The following CDK19 variants were observed in gnomAD, a reference collection of about 807,000 sequenced individuals.
The protein encoded by CDK19 is cyclin dependent kinase 19, also known as cyclin-dependent kinase 19.
CDK19 carries 20 observed loss-of-function variants against 68.3 expected under a neutral mutation model. That is an observed-to-expected ratio of 0.29 (90% CI 0.21 to 0.43). The LOEUF (loss-of-function observed/expected upper bound fraction) is 0.43, where lower values mean the gene tolerates loss of function less well. Among genes scored for constraint, CDK19 ranks in the 20% least tolerant of loss-of-function variants. The pLI is 1.00. For synonymous variants in CDK19, 221 were observed against 222.8 expected (o/e 0.99, Z 0.07); for missense variants, 339 against 623.5 (o/e 0.54, Z 4.86).
At position 110,613,515 on chromosome 6, in the gene CDK19, A is replaced by C. The variant is rs1778132424; in HGVS notation, c.*1020T>G. ...TAATTTTCAGGCTTCTACTTGAGTA[A>C]CCTTGATTATGCAAGAAAGTTACTC... On this transcript the variant is annotated 3_prime_UTR_variant, in exon 13 of 13. Coordinates refer to ENST00000368911, the MANE Select transcript of CDK19 (RefSeq NM_015076.5). The C allele has an allele frequency of 6.6e-6, 1 of 152,610 alleles. No individual in the cohort carries two copies. The highest frequency in any genetic ancestry group is 2.4e-5 in the African/African-American group (1 of 41,470). The allele number at this position is 152,610 out of a possible 1,614,324, so 9.5% of individuals were successfully genotyped here.
At chr6:110,631,276 A>ACT (rs1186762974) in intron 6 of CDK19, among the ~76,000 whole-genome samples, 5 of 151,878 alleles carry the variant, frequency 3.3e-5, no homozygotes, top group Non-Finnish European at 7.4e-5. Context: ...GCTACAATGT[A>ACT]CTCTCCCCTA....
intron 4 of CDK19, among the ~76,000 whole-genome samples, chr6:110,651,236 T>TCTAC (rs1283756704): frequency 2.9e-5 from 4 of 139,940 alleles, no homozygotes; most frequent in African/African-American, 1.3e-4. Flanking sequence ...AGATCTACTA[T>TCTAC]CTATCTATCT....
At chr6:110,740,320 T>C (rs1434292310) in intron 2 of CDK19, among the ~76,000 whole-genome samples, 1 of 152,216 alleles carries the variant, frequency 6.6e-6, no homozygotes, top group Non-Finnish European at 1.5e-5. Context: ...ATAGACTTCA[T>C]ATTAGAACTT....
At chr6:110,718,591 A>G (rs1424459556) in intron 2 of CDK19, among the ~76,000 whole-genome samples, 7 of 151,766 alleles carry the variant, frequency 4.6e-5, no homozygotes, top group African/African-American at 1.7e-4. Flanking sequence ...CTGACATCAT[A>G]TCAGCAATAA....
intron 1 of CDK19, among the ~76,000 whole-genome samples, chr6:110,807,147 A>T (rs1234944515): frequency 4.8e-5 from 7 of 145,548 alleles, no homozygotes; most frequent in Non-Finnish European, 7.6e-5. Flanking sequence ...AAATAATTTA[A>T]AAAAAAAAAA....
At chr6:110,758,921 T>C (rs1034606523) in intron 1 of CDK19, among the ~76,000 whole-genome samples, 2 of 151,924 alleles carry the variant, frequency 1.3e-5, no homozygotes, top group South Asian at 4.1e-4. Context: ...TAAGTCTTCA[T>C]GAAATCATCT....
chr6:110,806,797 G>A (rs1391773992), intron 1 of CDK19, among the ~76,000 whole-genome samples: 3 of 151,924 alleles, frequency 2.0e-5, no homozygotes, highest in African/African-American at 7.3e-5. Context: ...GGCCAACATG[G>A]TGAACACTGT....
intron 4 of CDK19, among the ~76,000 whole-genome samples, chr6:110,659,652 A>C (rs553594633): frequency 6.6e-5 from 10 of 152,344 alleles, no homozygotes; most frequent in African/African-American, 2.2e-4. Flanking sequence ...AAAGTGATAA[A>C]TTCTGGACCT....
At chr6:110,785,106 G>A (rs1451600828) in intron 1 of CDK19, among the ~76,000 whole-genome samples, 3 of 142,388 alleles carry the variant, frequency 2.1e-5, no homozygotes, top group Non-Finnish European at 3.0e-5. Context: ...CCCCTGGCTA[G>A]AGGGCCCTAA....
chr6:110,701,401 A>T (rs1773994148), intron 2 of CDK19, among the ~76,000 whole-genome samples: 1 of 150,814 alleles, frequency 6.6e-6, no homozygotes, highest in Non-Finnish European at 1.5e-5. Context: ...AAAAAAAAAA[A>T]ATTAGCCGAG....
intron 2 of CDK19, among the ~76,000 whole-genome samples, chr6:110,731,937 G>A (rs1389669160): frequency 6.6e-6 from 1 of 152,074 alleles, no homozygotes; most frequent in African/African-American, 2.4e-5. Flanking sequence ...CAATAATAAT[G>A]CCTTGAAAGG....
At chr6:110,707,278 G>C (rs1002170805) in intron 2 of CDK19, among the ~76,000 whole-genome samples, 1 of 152,148 alleles carries the variant, frequency 6.6e-6, no homozygotes, top group African/African-American at 2.4e-5. Flanking sequence ...AGAGGCTACA[G>C]TGAGCCAAGA....
intron 1 of CDK19, 113 bp from the exon 2 acceptor site, chr6:110,746,314 C>A: frequency 1.7e-6 from 1 of 585,690 alleles, no homozygotes; most frequent in Non-Finnish European, 3.0e-6. Context: ...TAAACATTCT[C>A]ATTATACCAT....
chr6:110,658,259 G>T (rs1438495467), intron 4 of CDK19, among the ~76,000 whole-genome samples: 3 of 152,120 alleles, frequency 2.0e-5, no homozygotes, highest in Admixed American at 2.0e-4. Flanking sequence ...AGGAACCAGA[G>T]GTCACTGGCA....
chr6:110,815,269 C>CTCTCGCGCGCGCGCG lies in CDK19; in HGVS notation c.-134_-133insCGCGCGCGCGCGAGA. ...CGCGCGCGCGCGCGCCGCCCGCCGC[C>CTCTCGCGCGCGCGCG]CGCCGCTCCGCGGTCCGCCTTCAGC... On this transcript the variant is annotated 5_prime_UTR_variant, in exon 1 of 13. Transcript: ENST00000368911. 9.5e-7 allele frequency: 1 copy of CTCTCGCGCGCGCGCG among 1,055,638 alleles called. No homozygotes were observed. The highest frequency in any genetic ancestry group is 1.2e-6 in the Non-Finnish European group (1 of 804,696). The allele number at this position is 1,055,638 out of a possible 1,614,324, so 65.4% of individuals were successfully genotyped here. A position where few individuals can be genotyped will look rare whatever the true frequency, so the allele number is the denominator to read the frequency against.
At chr6:110,709,664 A>C (rs1450539281) in intron 2 of CDK19, among the ~76,000 whole-genome samples, 1 of 152,180 alleles carries the variant, frequency 6.6e-6, no homozygotes, top group African/African-American at 2.4e-5. Flanking sequence ...GAAAGGAAAA[A>C]TGTATTTTCC....
At position 110,794,141 on chromosome 6, in the gene CDK19, G is replaced by A. The variant is rs549983673; in HGVS notation, c.128+20868C>T. ...GCTCACTGCAACCTCTGCCTCCCAGGTTCAAGCAATTCTCCTGTCTCAGCC... is the reference window on the plus strand; with the variant it reads ...GCTCACTGCAACCTCTGCCTCCCAGATTCAAGCAATTCTCCTGTCTCAGCC... On this transcript the variant is annotated intron_variant, in intron 1 of 12. Coordinates refer to ENST00000368911, the MANE Select transcript of CDK19 (RefSeq NM_015076.5). Among the ~76,000 whole-genome samples the A allele has an allele frequency of 3.3e-3, 498 of 151,994 alleles. 2 individuals are homozygous for A. Among genetic ancestry groups the A allele is most frequent in the African/African-American group, 0.011 (462 of 41,462 alleles).
At chr6:110,644,032 A>G (rs919820276) in intron 4 of CDK19, among the ~76,000 whole-genome samples, 2 of 152,082 alleles carry the variant, frequency 1.3e-5, no homozygotes, top group African/African-American at 4.8e-5. Context: ...AGTGGCTCAT[A>G]CCTGTAATCC....
intron 1 of CDK19, among the ~76,000 whole-genome samples, chr6:110,755,283 C>T (rs550097611): frequency 8.6e-5 from 13 of 151,910 alleles, no homozygotes; most frequent in Non-Finnish European, 1.9e-4. Flanking sequence ...TCAGGTGACC[C>T]GCTTGCCTCA....
Sources: allele counts gnomAD v4.1 joint callset (sites outside exome capture counted in the v4.1 genomes callset), GRCh38; gene constraint gnomAD v4.1.1; transcripts MANE v1.5; gene names NCBI Gene and HGNC (gene_info 2026-07-23, HGNC 2026-07-21).